Variants in HTR4 observed in about 807,000 individuals in gnomAD.
HTR4 encodes 5-hydroxytryptamine receptor 4.
A neutral mutation model predicts 36.8 loss-of-function variants in HTR4; 16 were observed. That is an observed-to-expected ratio of 0.43 (90% confidence interval 0.29 to 0.66). The LOEUF is 0.66. Among genes scored for constraint, HTR4 ranks in the 30% least tolerant of loss-of-function variants. HTR4 has a pLI of 0.13. For synonymous variants in HTR4, 189 were observed against 185.1 expected, an observed-to-expected ratio of 1.02 and a Z score of -0.17; for missense variants, 438 against 490.9, an observed-to-expected ratio of 0.89 and a Z score of 1.02.
chr5:148,637,866 G>A (rs1396045124), intron 1 of HTR4, among the ~76,000 whole-genome samples: 6 of 152,080 alleles, frequency 3.9e-5, no homozygotes. Context: ...GGGTCCGGCT[G>A]TCTCTTCTAG....
At chr5:148,571,380 T>C (rs1760671650) in intron 2 of HTR4, among the ~76,000 whole-genome samples, 1 of 152,082 alleles carries the variant, frequency 6.6e-6, no homozygotes, top group Non-Finnish European at 1.5e-5. Flanking sequence ...GACTGCTTTA[T>C]TATGTTCTGT....
At chr5:148,615,215 A>G (rs1349384658) in intron 2 of HTR4, among the ~76,000 whole-genome samples, 1 of 152,164 alleles carries the variant, frequency 6.6e-6, no homozygotes, top group Non-Finnish European at 1.5e-5. Context: ...ATGTTGCTAT[A>G]AAGACACATG....
At chr5:148,594,254 G>A (rs1283142508) in intron 2 of HTR4, among the ~76,000 whole-genome samples, 3 of 151,924 alleles carry the variant, frequency 2.0e-5, no homozygotes, top group South Asian at 2.1e-4. Flanking sequence ...TCTTAAAGGC[G>A]AACTGAGTTG....
At chr5:148,647,705 T>C (rs10042347) in intron 1 of HTR4, among the ~76,000 whole-genome samples, 33,541 of 152,014 alleles carry the variant, frequency 0.22, 4,620 homozygotes, top group African/African-American at 0.38. Context: ...AAAAATTAGC[T>C]GGGCGTGGTG....
At chr5:148,633,663 T>C (rs1753414521) in intron 2 of HTR4, among the ~76,000 whole-genome samples, 1 of 152,042 alleles carries the variant, frequency 6.6e-6, no homozygotes, top group African/African-American at 2.4e-5. Context: ...TTAAATACTT[T>C]AGTTCAGTGA....
chr5:148,461,107 A>G (rs551796977), intron 5 of HTR4, among the ~76,000 whole-genome samples: 3 of 152,216 alleles, frequency 2.0e-5, no homozygotes, highest in East Asian at 1.9e-4. Flanking sequence ...CCACTAAAAA[A>G]AGTAAAAATA....
chr5:148,604,708 A>G (rs1752073430), intron 2 of HTR4, among the ~76,000 whole-genome samples: 1 of 152,228 alleles, frequency 6.6e-6, no homozygotes. Context: ...GAAATGGATA[A>G]ATCTCAAAGA....
intron 6 of HTR4, among the ~76,000 whole-genome samples, chr5:148,496,704 C>T (rs1172320337): frequency 6.6e-6 from 1 of 152,186 alleles, no homozygotes; most frequent in African/African-American, 2.4e-5. Flanking sequence ...GGAAGCTTCT[C>T]TCATTGCAGG....
downstream of HTR4, among the ~76,000 whole-genome samples, chr5:148,478,906 A>G (rs1755788734): frequency 6.6e-6 from 1 of 152,068 alleles, no homozygotes; most frequent in Admixed American, 6.6e-5. Flanking sequence ...CCATTGTTCC[A>G]CACTCAGAAG....
intron 5 of HTR4, among the ~76,000 whole-genome samples, chr5:148,458,372 T>C (rs1185643742): frequency 2.0e-5 from 3 of 151,896 alleles, no homozygotes; most frequent in African/African-American, 7.3e-5. Context: ...TTTGATTGCT[T>C]ACAACAGTCC....
At chr5:148,578,080 T>G (rs1430043607) in intron 2 of HTR4, among the ~76,000 whole-genome samples, 1 of 152,198 alleles carries the variant, frequency 6.6e-6, no homozygotes, top group Admixed American at 6.5e-5. Context: ...AATATCATTT[T>G]GTAATACATG....
At chr5:148,510,668 A>G (rs1182648386) in intron 5 of HTR4, among the ~76,000 whole-genome samples, 1 of 152,254 alleles carries the variant, frequency 6.6e-6, no homozygotes, top group Non-Finnish European at 1.5e-5. Context: ...AAGCTCATTA[A>G]TATTTGAGAA....
chr5:148,564,969 G>C (rs183675117), intron 2 of HTR4, among the ~76,000 whole-genome samples: 105 of 152,004 alleles, frequency 6.9e-4, no homozygotes, highest in African/African-American at 2.4e-3. Flanking sequence ...AATTAGCCAG[G>C]CATGGTGGCA....
At position 148,483,047 on chromosome 5, in the gene HTR4, C is replaced by G; in HGVS notation, c.*156G>C. On this transcript the variant is annotated 3_prime_UTR_variant, in exon 7 of 7. Coordinates refer to ENST00000377888, the MANE Select transcript of HTR4 (RefSeq NM_000870.7). ...TCCCTCCAGCGCCACCTGCTGGAATCTCAGAGGAAAAGCCCAGCGAGCACC... is the reference window on the plus strand; with the variant it reads ...TCCCTCCAGCGCCACCTGCTGGAATGTCAGAGGAAAAGCCCAGCGAGCACC... The G allele has an allele frequency of 6.8e-7, 1 of 1,461,696 alleles. No individual in the cohort carries two copies. Among genetic ancestry groups the G allele is most frequent in the Non-Finnish European group, 9.1e-7 (1 of 1,102,704 alleles). The allele number at this position is 1,461,696 out of a possible 1,614,324, so 90.5% of individuals were successfully genotyped here.
At chr5:148,551,255 G>A (rs983860449) in intron 2 of HTR4, among the ~76,000 whole-genome samples, 9 of 152,218 alleles carry the variant, frequency 5.9e-5, no homozygotes, top group Non-Finnish European at 1.0e-4. Context: ...AGAGAGAAAA[G>A]ATTGTGGTGT....
At chr5:148,562,141 A>G (rs936667145) in intron 2 of HTR4, among the ~76,000 whole-genome samples, 3 of 152,244 alleles carry the variant, frequency 2.0e-5, no homozygotes, top group African/African-American at 7.2e-5. Context: ...ATAAAGTCCT[A>G]GTGGAACACA....
intron 1 of HTR4, among the ~76,000 whole-genome samples, chr5:148,641,805 C>A (rs748276853): frequency 6.6e-6 from 1 of 152,138 alleles, no homozygotes; most frequent in African/African-American, 2.4e-5. Context: ...TCTTTACCCT[C>A]GTTTCTGATT....
chr5:148,634,876 C>G (rs1351533432), intron 2 of HTR4, among the ~76,000 whole-genome samples: 2 of 152,130 alleles, frequency 1.3e-5, no homozygotes, highest in African/African-American at 4.8e-5. Context: ...CTTATGTAGG[C>G]ACTTTTCCAA....
intron 4 of HTR4, among the ~76,000 whole-genome samples, chr5:148,527,711 C>G (rs1171386832): frequency 6.6e-6 from 1 of 152,082 alleles, no homozygotes; most frequent in Non-Finnish European, 1.5e-5. Context: ...GCCTCCCAGG[C>G]TCAATTGATT....
Sources: gnomAD v4.1 joint callset for allele counts (sites outside exome capture counted in the v4.1 genomes callset) on GRCh38, gnomAD v4.1.1 for gene constraint, MANE v1.5 for transcripts, NCBI Gene and HGNC (gene_info 2026-07-23, HGNC 2026-07-21) for gene names.